PHACTR3: variants seen among roughly 807,000 people sequenced by gnomAD.
PHACTR3 encodes protein phosphatase 1, regulatory subunit 123.
In PHACTR3, 16 loss-of-function variants were observed where a neutral mutation model predicts 66.8. The observed-to-expected ratio is 0.24, with a 90% CI of 0.16 to 0.36. PHACTR3 has a LOEUF of 0.36. PHACTR3 is among the 10% of genes least tolerant of loss of function. PHACTR3 has a pLI of 1.00. For missense variants in PHACTR3, 647 were observed against 719.9 expected (o/e 0.90, Z 1.16); for synonymous variants, 323 against 292.1 (o/e 1.11, Z -1.08).
intron 4 of PHACTR3, among the ~76,000 whole-genome samples, chr20:59,766,578 G>A (rs2040189054): frequency 6.6e-6 from 1 of 152,128 alleles, no homozygotes; most frequent in Non-Finnish European, 1.5e-5. Context: ...GCTAGAAAGG[G>A]AGGGATGAGG....
In PHACTR3 at chr20:59,622,981, CAAA is replaced by C. The variant is rs71183177; in HGVS notation, c.118+17867_118+17869del. Among the ~76,000 whole-genome samples the C allele has an allele frequency of 1.3e-3, 42 of 32,222 alleles. 5 individuals carry two copies. The highest frequency in any genetic ancestry group is 1.4e-3 in the Non-Finnish European group (26 of 18,180). The allele number at this position is 32,222 out of a possible 152,430, so 21.1% of individuals were successfully genotyped here. On this transcript the variant is annotated intron_variant, in intron 1 of 12. Transcript: ENST00000371015. ...ATTCTAATTTTACAGCAGCTTTAAC[CAAA>C]AAAAAAAAAAAAAAAAACCCAAATC...
chr20:59,798,544 T>G (rs2041320116), intron 7 of PHACTR3, among the ~76,000 whole-genome samples: 1 of 152,210 alleles, frequency 6.6e-6, no homozygotes, highest in Non-Finnish European at 1.5e-5. Flanking sequence ...TAAATATAGG[T>G]CCATTCTGGT....
At chr20:59,692,483 G>A (rs982259825) in intron 1 of PHACTR3, among the ~76,000 whole-genome samples, 18 of 152,212 alleles carry the variant, frequency 1.2e-4, no homozygotes, top group African/African-American at 4.3e-4. Flanking sequence ...TGACCTCAGA[G>A]GAGGAGGAAG....
chr20:59,737,550 G>A (rs948351225), intron 1 of PHACTR3, among the ~76,000 whole-genome samples: 1 of 151,930 alleles, frequency 6.6e-6, no homozygotes, highest in African/African-American at 2.4e-5. Flanking sequence ...ATGTGCATGT[G>A]TGTGTCTCTG....
rs547562547 is a variant in PHACTR3, at chr20:59,700,849, G to T, written c.119-42258G>T. On this transcript the variant is annotated intron_variant, in intron 1 of 12. Coordinates refer to ENST00000371015, the MANE Select transcript of PHACTR3 (RefSeq NM_080672.5). The stretch of plus-strand genomic sequence containing the variant: ...CCATCATCTAGGCAGGAGTGCACTG[G>T]CACAATTATGGCTCTTTGCAGCCTC... Among the ~76,000 whole-genome samples the T allele has an allele frequency of 3.9e-5, 6 of 152,264 alleles. No individual in the cohort carries two copies. In the South Asian group the frequency reaches 1.2e-3, roughly 32 times the overall value.
intron 1 of PHACTR3, among the ~76,000 whole-genome samples, chr20:59,730,004 G>A (rs1259735226): frequency 6.6e-6 from 1 of 152,126 alleles, no homozygotes; most frequent in Non-Finnish European, 1.5e-5. Context: ...CACAGGTAGG[G>A]ACTGTGCACT....
chr20:59,734,733 TGG>T (rs1236600059), intron 1 of PHACTR3, among the ~76,000 whole-genome samples: 1 of 152,150 alleles, frequency 6.6e-6, no homozygotes, highest in East Asian at 1.9e-4. Flanking sequence ...CCTTAGAGAC[TGG>T]GGACCTCAGA....
intron 1 of PHACTR3, among the ~76,000 whole-genome samples, chr20:59,618,830 G>A (rs564820473): frequency 7.2e-5 from 11 of 151,732 alleles, no homozygotes; most frequent in African/African-American, 2.2e-4. Context: ...GAGCCTGAGA[G>A]GTGCTGTCTC....
At chr20:59,745,618 A>G (rs369604171) in intron 2 of PHACTR3, among the ~76,000 whole-genome samples, 34 of 152,382 alleles carry the variant, frequency 2.2e-4, no homozygotes, top group African/African-American at 7.2e-4. Context: ...ATCACGGGTT[A>G]GGATGAGTTG....
chr20:59,701,319 A>G (rs2037498596), intron 1 of PHACTR3, among the ~76,000 whole-genome samples: 1 of 152,208 alleles, frequency 6.6e-6, no homozygotes, highest in South Asian at 2.1e-4. Flanking sequence ...CAGATGAGAA[A>G]ACAGTGGTCC....
rs538869283 is a variant in PHACTR3 at position 59,687,233 on chromosome 20, T to C, written c.119-55874T>C. ...GTGATGGTGATGATGACGATGGTGA[T>C]TGTGATGGTGGTGGTGATAGTGGTG... On this transcript the variant is annotated intron_variant, in intron 1 of 12. Coordinates refer to ENST00000371015, the MANE Select transcript of PHACTR3 (RefSeq NM_080672.5). Among the ~76,000 whole-genome samples, 71 of 151,952 alleles carry C rather than the reference T, an allele frequency of 4.7e-4. 1 individual carries two copies. Among genetic ancestry groups the C allele is most frequent in the African/African-American group, 1.6e-3 (67 of 41,420 alleles).
chr20:59,694,716 A>G (rs2037232709), intron 1 of PHACTR3, among the ~76,000 whole-genome samples: 1 of 152,134 alleles, frequency 6.6e-6, no homozygotes, highest in African/African-American at 2.4e-5. Context: ...AATACATAGA[A>G]GCTTTTAGAA....
At chr20:59,689,750 C>A (rs1327209841) in intron 1 of PHACTR3, among the ~76,000 whole-genome samples, 1 of 152,154 alleles carries the variant, frequency 6.6e-6, no homozygotes, top group Non-Finnish European at 1.5e-5. Context: ...CTACTGAAGC[C>A]AGAAACCTGG....
rs141294058 is a variant in PHACTR3 at position 59,753,181 on chromosome 20, G to A, written c.359-2001G>A. On this transcript the variant is annotated intron_variant, in intron 3 of 12. Transcript: ENST00000371015. ...AAAAAAAAATCAAGGGTTGCAGCAC[G>A]GGGGATACAGCACGTGGCCCACAGA... Among the ~76,000 whole-genome samples, 858 of 152,196 alleles carry A rather than the reference G, an allele frequency of 5.6e-3. 7 individuals are homozygous for A. Among genetic ancestry groups the A allele is most frequent in the African/African-American group, 0.019 (809 of 41,530 alleles).
In PHACTR3 at chr20:59,774,274, A is replaced by G; in HGVS notation, c.958A>G (p.Lys320Glu). 6.2e-7 allele frequency: 1 copy of G among 1,607,182 alleles called. No individual in the cohort carries two copies. The highest frequency in any genetic ancestry group is 8.5e-7 in the Non-Finnish European group (1 of 1,177,244). The change falls in exon 7 of 13, where the codon AAG becomes GAG. Residue 320 changes from lysine to glutamate, a missense_variant. This residue lies in a region of PHACTR3 where 577 missense variants were observed against 571.1 expected (regional missense o/e 1.01). Transcript: ENST00000371015. ...AGGAAGAGAAAGTAAAGGGTCTCCA[A>G]AGAAGCGGCTGGATGTCCGTCTGTC... ...FQGRESKGSPKKRLDVRLSRT... is the reference protein window; with the variant it reads ...FQGRESKGSPEKRLDVRLSRT...
At chr20:59,831,631 C>T (rs182289090) in intron 8 of PHACTR3, among the ~76,000 whole-genome samples, 7 of 152,298 alleles carry the variant, frequency 4.6e-5, no homozygotes, top group African/African-American at 1.7e-4. Context: ...CCTACCCCGC[C>T]CCACCCCTCT....
chr20:59,737,149 T>C (rs1039561187), intron 1 of PHACTR3, among the ~76,000 whole-genome samples: 1 of 152,110 alleles, frequency 6.6e-6, no homozygotes, highest in Non-Finnish European at 1.5e-5. Flanking sequence ...CCTCCTGTCT[T>C]GGACAGCCTG....
chr20:59,597,171 C>T (rs1268708618), intron 1 of PHACTR3, among the ~76,000 whole-genome samples: 1 of 152,136 alleles, frequency 6.6e-6, no homozygotes, highest in Non-Finnish European at 1.5e-5. Flanking sequence ...TGTTGGTAAC[C>T]CTTGTTAGAT....
In PHACTR3 at chr20:59,606,825, G is replaced by C. The variant is rs572976084; in HGVS notation, c.118+1693G>C. 6.1e-4 allele frequency among the ~76,000 whole-genome samples: 93 copies of C among 152,322 alleles called. 1 individual carries two copies. Among genetic ancestry groups the C allele is most frequent in the South Asian group, 2.1e-3 (10 of 4,824 alleles). Reference sequence around the variant, plus strand: ...ATGCCTGTGATTAAGTTATGCGTGGGAGGGCACAGGCTTGAGCTCTCCTCT... The same window carrying C: ...ATGCCTGTGATTAAGTTATGCGTGGCAGGGCACAGGCTTGAGCTCTCCTCT... On this transcript the variant is annotated intron_variant, in intron 1 of 12. Coordinates refer to ENST00000371015, the MANE Select transcript of PHACTR3 (RefSeq NM_080672.5).
Sources: allele counts gnomAD v4.1 joint callset (sites outside exome capture counted in the v4.1 genomes callset), GRCh38; gene constraint gnomAD v4.1.1; regional missense constraint gnomAD v4.1.1; transcripts MANE v1.5; gene names NCBI Gene and HGNC (gene_info 2026-07-23, HGNC 2026-07-21).